ABCA1: variants seen among roughly 807,000 people sequenced by gnomAD.
ABCA1 encodes phospholipid-transporting ATPase ABCA1.
ABCA1 carries 133 observed loss-of-function variants against 262.5 expected under a neutral mutation model. That is an observed-to-expected ratio of 0.51 (90% CI 0.44 to 0.59). The LOEUF (loss-of-function observed/expected upper bound fraction) is 0.59. Among genes scored for constraint, ABCA1 ranks in the 20% least tolerant of loss-of-function variants. The pLI, the probability that ABCA1 is intolerant of heterozygous loss-of-function variation, is 0.00. For missense variants in ABCA1, 2,452 were observed against 2,777.5 expected (o/e 0.88, Z 2.63); for synonymous variants, 1,022 against 1,043.5 (o/e 0.98, Z 0.40).
In ABCA1 at chr9:104,826,879, C is replaced by T. The variant is rs1374749749; in HGVS notation, c.2337+69G>A. On this transcript the variant is annotated intron_variant, in intron 16 of 49. Transcript: ENST00000374736. ...ATCATCTTCTGTTCTCAACTTGCTG[C>T]TTTTATTCAGGGACTCCAAAGGAAG... is the stretch of plus-strand genomic sequence containing the variant. 39 of 1,427,086 alleles carry T rather than the reference C, an allele frequency of 2.7e-5. No homozygotes were observed. The Admixed American group carries it at 5.2e-4, about 19-fold the overall frequency. The allele number at this position is 1,427,086 out of a possible 1,614,324, so 88.4% of individuals were successfully genotyped here.
intron 5 of ABCA1, among the ~76,000 whole-genome samples, chr9:104,868,450 A>G (rs529274663): frequency 1.1e-3 from 166 of 152,348 alleles, no homozygotes; most frequent in African/African-American, 3.9e-3. Flanking sequence ...CAGGGGAAAA[A>G]GCTGACTTGC....
chr9:104,827,228 A>G, intron 15 of ABCA1, 59 bp from the exon 16 acceptor site: 1 of 1,411,874 alleles, frequency 7.1e-7, no homozygotes, highest in Non-Finnish European at 1.0e-6. Context: ...ACTCACTTGT[A>G]TGATCTACAG....
In ABCA1 at chr9:104,848,629, A is replaced by C. The variant is rs1018310795; in HGVS notation, c.721-3060T>G. Among the ~76,000 whole-genome samples, 15 of 152,040 alleles carry C rather than the reference A, an allele frequency of 9.9e-5. 1 individual carries two copies. The highest frequency in any genetic ancestry group is 8.5e-4 in the Admixed American group (13 of 15,272). On this transcript the variant is annotated intron_variant, in intron 7 of 49. Transcript: ENST00000374736. ...GACTCGGTCTCAGAAAAAAAAAAAA[A>C]AATGCAGATTCTCAACCAGCTAACA...
chr9:104,851,579 G>T (rs886845239), intron 7 of ABCA1, among the ~76,000 whole-genome samples: 1 of 152,130 alleles, frequency 6.6e-6, no homozygotes, highest in Non-Finnish European at 1.5e-5. Flanking sequence ...CCATTCTTTA[G>T]GTCCCCACTT....
intron 1 of ABCA1, among the ~76,000 whole-genome samples, chr9:104,919,819 T>C (rs1435147748): frequency 1.3e-5 from 2 of 152,192 alleles, no homozygotes; most frequent in Non-Finnish European, 2.9e-5. Context: ...GATTCAAATC[T>C]TCATTCACTC....
intron 7 of ABCA1, among the ~76,000 whole-genome samples, chr9:104,846,973 T>C (rs1834950573): frequency 6.6e-6 from 1 of 152,188 alleles, no homozygotes; most frequent in African/African-American, 2.4e-5. Flanking sequence ...AGAACTTGCC[T>C]GGAAAACTAT....
intron 5 of ABCA1, among the ~76,000 whole-genome samples, chr9:104,862,708 C>G (rs1588441606): frequency 5.1e-5 from 1 of 19,550 alleles, no homozygotes; most frequent in Admixed American, 3.6e-4. Flanking sequence ...CCGGCCCCCA[C>G]CCCCACCCCC....
At chr9:104,788,281 T>C in intron 45 of ABCA1, 145 bp downstream of exon 45, 1 of 739,282 alleles carries the variant, frequency 1.4e-6, no homozygotes, top group Non-Finnish European at 2.2e-6. Context: ...GTTTCCACCC[T>C]GAAAGCAGAT....
intron 33 of ABCA1, among the ~76,000 whole-genome samples, chr9:104,802,495 A>C (rs1013336344): frequency 6.6e-6 from 1 of 151,958 alleles, no homozygotes; most frequent in Non-Finnish European, 1.5e-5. Flanking sequence ...GCAGATGGGG[A>C]GTTGGGAGAG....
At chr9:104,899,354 T>C (rs977413932) in intron 2 of ABCA1, among the ~76,000 whole-genome samples, 7 of 152,128 alleles carry the variant, frequency 4.6e-5, no homozygotes, top group Admixed American at 1.3e-4. Flanking sequence ...AATGAGGAGT[T>C]TTAATTTTTG....
At chr9:104,891,639 C>A (rs1172632119) in intron 2 of ABCA1, among the ~76,000 whole-genome samples, 1 of 151,460 alleles carries the variant, frequency 6.6e-6, no homozygotes, top group Non-Finnish European at 1.5e-5. Flanking sequence ...GGAAATACAG[C>A]AAGATAATGA....
At chr9:104,858,958 G>A (rs1336900178) in intron 6 of ABCA1, among the ~76,000 whole-genome samples, 1 of 152,166 alleles carries the variant, frequency 6.6e-6, no homozygotes. Context: ...CTCTTGCAAA[G>A]AAAAATCCAG....
intron 11 of ABCA1, among the ~76,000 whole-genome samples, chr9:104,833,771 G>C (rs1833557449): frequency 6.6e-6 from 1 of 152,218 alleles, no homozygotes; most frequent in African/African-American, 2.4e-5. Context: ...AGGATGTACA[G>C]GTCATGATGC....
rs557626075 is a variant in ABCA1, at chr9:104,882,028, T to TAAAAAAAAAAAAAAAAAA, written c.421+993_421+1010dup. ...CAAGGAAAGCACAGTTCTGTAGCCT[T>TAAAAAAAAAAAAAAAAAA]AAAAAAAAAAAAAAAAAAAAAAAAA... On this transcript the variant is annotated intron_variant, in intron 5 of 49. Transcript: ENST00000374736. Among the ~76,000 whole-genome samples, 469 of 73,734 alleles carry TAAAAAAAAAAAAAAAAAA rather than the reference T, an allele frequency of 6.4e-3. 37 individuals carry two copies. Among genetic ancestry groups the TAAAAAAAAAAAAAAAAAA allele is most frequent in the East Asian group, 0.012 (21 of 1,780 alleles). The allele number at this position is 73,734 out of a possible 152,430, so 48.4% of individuals were successfully genotyped here. A position where few individuals can be genotyped will look rare whatever the true frequency, so the allele number is the denominator to read the frequency against.
chr9:104,921,691 C>T (rs1202363913), intron 1 of ABCA1, among the ~76,000 whole-genome samples: 1 of 152,142 alleles, frequency 6.6e-6, no homozygotes, highest in Non-Finnish European at 1.5e-5. Context: ...CTTAAGTAGT[C>T]TTTTAGAAGA....
intron 48 of ABCA1, 87 bp from the exon 49 acceptor site, chr9:104,785,726 T>A: frequency 6.4e-7 from 1 of 1,563,204 alleles, no homozygotes; most frequent in Non-Finnish European, 8.7e-7. Context: ...ACTTGTGCCA[T>A]GAAAAAGGGC....
chr9:104,908,069 CTCA>C (rs1487719114), intron 1 of ABCA1, among the ~76,000 whole-genome samples: 3 of 152,162 alleles, frequency 2.0e-5, no homozygotes. Context: ...AGCAGAAACA[CTCA>C]TCATTAGCTG....
At chr9:104,890,264 T>A (rs937592917) in intron 2 of ABCA1, among the ~76,000 whole-genome samples, 1 of 152,206 alleles carries the variant, frequency 6.6e-6, no homozygotes, top group African/African-American at 2.4e-5. Context: ...AAAATCCCTT[T>A]TTGTCTTCTT....
At chr9:104,922,698 A>G (rs1842205114) in intron 1 of ABCA1, among the ~76,000 whole-genome samples, 1 of 152,180 alleles carries the variant, frequency 6.6e-6, no homozygotes, top group African/African-American at 2.4e-5. Flanking sequence ...TTCTCATCCT[A>G]TTTCACTTTT....
Sources: allele counts gnomAD v4.1 joint callset (sites outside exome capture counted in the v4.1 genomes callset), GRCh38; gene constraint gnomAD v4.1.1; transcripts MANE v1.5; gene names NCBI Gene and HGNC (gene_info 2026-07-23, HGNC 2026-07-21).